PRKAA2: variants seen among roughly 807,000 people sequenced by gnomAD.
PRKAA2 encodes protein kinase AMP-activated catalytic subunit alpha 2.
A neutral mutation model predicts 56.3 loss-of-function variants in PRKAA2; 40 were observed. The observed-to-expected ratio is 0.71, with a 90% CI of 0.55 to 0.92. PRKAA2 has a LOEUF of 0.92. PRKAA2 is among the 40% of genes least tolerant of loss of function. PRKAA2 has a pLI of 0.00. For synonymous variants in PRKAA2, 214 were observed against 234.2 expected (o/e 0.91, Z 0.79); for missense variants, 542 against 686.9 (o/e 0.79, Z 2.36).
intron 2 of PRKAA2, among the ~76,000 whole-genome samples, chr1:56,676,149 G>GC (rs1644111513): frequency 6.6e-6 from 1 of 152,104 alleles, no homozygotes; most frequent in African/African-American, 2.4e-5. Context: ...AGTAATACCT[G>GC]CCCCCCATGT....
intron 2 of PRKAA2, among the ~76,000 whole-genome samples, chr1:56,688,960 T>C (rs1644209507): frequency 1.3e-5 from 2 of 152,324 alleles, no homozygotes; most frequent in South Asian, 2.1e-4. Flanking sequence ...AGTAACGTTA[T>C]GATTTTCATT....
intron 6 of PRKAA2, among the ~76,000 whole-genome samples, chr1:56,696,724 A>C (rs909855760): frequency 6.6e-6 from 1 of 152,188 alleles, no homozygotes; most frequent in African/African-American, 2.4e-5. Context: ...AGTTTTGCTA[A>C]GTTTTTGAAT....
chr1:56,691,427 T>A lies in PRKAA2; in HGVS notation c.270T>A (p.Phe90Leu). 1 of 1,612,980 alleles carries A rather than the reference T, an allele frequency of 6.2e-7. No individual in the cohort carries two copies. Among genetic ancestry groups the A allele is most frequent in the Non-Finnish European group, 8.5e-7 (1 of 1,179,250 alleles). The change falls in exon 3 of 9, where the codon TTT becomes TTA. Residue 90 changes from phenylalanine (F) to leucine (L), a missense_variant. Phe to Leu is a conservative substitution (Grantham distance 22). Coordinates refer to ENST00000371244, the MANE Select transcript of PRKAA2 (RefSeq NM_006252.4). ...TGATCAGCACTCCAACAGATTTTTT[T>A]ATGGTAATGGAATATGTGTCTGGAG... ...YQVISTPTDFFMVMEYVSGGE... is the reference protein window; with the variant it reads ...YQVISTPTDFLMVMEYVSGGE...
chr1:56,664,598 G>A (rs758964165), intron 1 of PRKAA2, among the ~76,000 whole-genome samples: 23 of 151,902 alleles, frequency 1.5e-4, no homozygotes, highest in African/African-American at 5.6e-4. Context: ...GTAGCAATAG[G>A]ACTGTTCAGG....
At chr1:56,658,939 C>T (rs1362657766) in intron 1 of PRKAA2, among the ~76,000 whole-genome samples, 3 of 151,302 alleles carry the variant, frequency 2.0e-5, no homozygotes, top group East Asian at 2.0e-4. Flanking sequence ...GGACTACAGG[C>T]GAGTGCCACC....
In PRKAA2 at chr1:56,714,903, C is replaced by T. The variant is rs1183509766; in HGVS notation, c.*7190C>T. On this transcript the variant is annotated 3_prime_UTR_variant, in exon 9 of 9. Transcript: ENST00000371244. ...CTGCATTCATTCATTCTTAGCATAC[C>T]TTTGAAAAAGAAAAAAAAATCCATA... 1 of 151,074 alleles carries T rather than the reference C, an allele frequency of 6.6e-6. No homozygotes were observed. Among genetic ancestry groups the T allele is most frequent in the African/African-American group, 2.4e-5 (1 of 41,072 alleles). 9.4% of individuals were successfully genotyped at this position (151,074 alleles called of 1,614,324 possible).
In PRKAA2 at chr1:56,692,371, A is replaced by G; in HGVS notation, c.344A>G (p.Glu115Gly). 1 of 1,614,008 alleles carries G rather than the reference A, an allele frequency of 6.2e-7. No homozygotes were observed. Among genetic ancestry groups the G allele is most frequent in the Non-Finnish European group, 8.5e-7 (1 of 1,179,982 alleles). ...ICKHGRVEEM[E>G]ARRLFQQILS... ...TGTGCTTGATAGGTTGAAGAGATGG[A>G]AGCCAGGCGGCTCTTTCAGCAGATT... Residue 115 changes from glutamate to glycine, a missense_variant, in exon 4 of 9, where the codon GAA becomes GGA. Around this residue, in one of 5 missense-constraint regions of PRKAA2, gnomAD observed 121 missense variants for 210.0 expected, o/e 0.58. Transcript: ENST00000371244.
At chr1:56,702,084 T>A (rs757096295) in intron 6 of PRKAA2, among the ~76,000 whole-genome samples, 2 of 151,802 alleles carry the variant, frequency 1.3e-5, no homozygotes, top group African/African-American at 4.8e-5. Flanking sequence ...TTTTTATCTT[T>A]TCTTTTTTTT....
In PRKAA2 at chr1:56,645,401, A is replaced by G. The variant is rs1177666094; in HGVS notation, c.14A>G (p.Gln5Arg). The change falls in exon 1 of 9, where the codon CAG (glutamine) becomes CGG (arginine). Residue 5 changes from glutamine to arginine, a missense_variant. Gln to Arg is a conservative substitution (Grantham distance 43). Coordinates refer to ENST00000371244, the MANE Select transcript of PRKAA2 (RefSeq NM_006252.4). MAEK[Q>R]KHDGRVKIGH... ...CGCGCGCCGAAGATGGCTGAGAAGC[A>G]GAAGCACGACGGGCGGGTGAAGATC... is the stretch of plus-strand genomic sequence containing the variant. The G allele has an allele frequency of 2.0e-6, 3 of 1,503,216 alleles. No homozygotes were observed. Among genetic ancestry groups the G allele is most frequent in the Non-Finnish European group, 2.7e-6 (3 of 1,120,062 alleles). The allele number at this position is 1,503,216 out of a possible 1,614,324, so 93.1% of individuals were successfully genotyped here. A position where few individuals can be genotyped will look rare whatever the true frequency, so the allele number is the denominator to read the frequency against.
chr1:56,646,110 C>T (rs958398150), intron 1 of PRKAA2, among the ~76,000 whole-genome samples: 1 of 152,092 alleles, frequency 6.6e-6, no homozygotes, highest in Non-Finnish European at 1.5e-5. Flanking sequence ...TGGGAGGTCC[C>T]TGCCATCCCC....
chr1:56,703,777 G>A (rs1487546221), intron 6 of PRKAA2, among the ~76,000 whole-genome samples, 194 bp from the exon 7 acceptor site: 1 of 152,208 alleles, frequency 6.6e-6, no homozygotes, highest in Non-Finnish European at 1.5e-5. Context: ...TTGTCCAAAT[G>A]CCAAGTCTTA....
At chr1:56,689,346 T>A (rs1056692872) in intron 2 of PRKAA2, among the ~76,000 whole-genome samples, 11 of 152,232 alleles carry the variant, frequency 7.2e-5, no homozygotes, top group South Asian at 2.1e-4. Flanking sequence ...CAATTCTTCT[T>A]CAGTCATATT....
chr1:56,664,249 G>A (rs1359346375), intron 1 of PRKAA2, among the ~76,000 whole-genome samples: 1 of 152,052 alleles, frequency 6.6e-6, no homozygotes, highest in Non-Finnish European at 1.5e-5. Context: ...TAAATTTGAT[G>A]TTTGTTTTTG....
Position 56,693,732 on chromosome 1 carries a change from C to A in PRKAA2, c.476-33C>A. The A allele has an allele frequency of 2.8e-6, 4 of 1,436,842 alleles. No individual in the cohort carries two copies. The South Asian group carries it at 5.1e-5, about 18-fold the overall frequency. 89.0% of individuals were successfully genotyped at this position (1,436,842 alleles called of 1,614,324 possible). ...TGACTTTATCTACTTTTAAAAATAT[C>A]TAGCACCAAGTAAACATTACTTTTA... is the stretch of plus-strand genomic sequence containing the variant. On this transcript the variant is annotated intron_variant, in intron 4 of 8. Coordinates refer to ENST00000371244, the MANE Select transcript of PRKAA2 (RefSeq NM_006252.4).
intron 1 of PRKAA2, among the ~76,000 whole-genome samples, chr1:56,665,985 T>C (rs960977216): frequency 5.3e-5 from 8 of 152,172 alleles, no homozygotes; most frequent in Non-Finnish European, 1.2e-4. Flanking sequence ...CAGTACTACA[T>C]AGGATTCTTT....
intron 6 of PRKAA2, among the ~76,000 whole-genome samples, chr1:56,701,587 AG>A (rs1438200228): frequency 1.4e-4 from 21 of 152,284 alleles, no homozygotes; most frequent in African/African-American, 4.8e-4. Flanking sequence ...GAGCTAAATA[AG>A]GTATGGTCAC....
chr1:56,672,141 A>G (rs1054400147), intron 1 of PRKAA2, among the ~76,000 whole-genome samples: 15 of 152,106 alleles, frequency 9.9e-5, no homozygotes, highest in African/African-American at 3.4e-4. Context: ...TTTTAGAGAC[A>G]GGGTCTCACT....
intron 1 of PRKAA2, among the ~76,000 whole-genome samples, chr1:56,651,926 C>G (rs902402417): frequency 3.8e-4 from 58 of 151,682 alleles, no homozygotes; most frequent in African/African-American, 1.4e-3. Flanking sequence ...ACTGCAAGCT[C>G]CGCCTCCTGG....
intron 1 of PRKAA2, among the ~76,000 whole-genome samples, chr1:56,668,956 C>A (rs541754233): frequency 6.6e-6 from 1 of 152,066 alleles, no homozygotes; most frequent in African/African-American, 2.4e-5. Flanking sequence ...AAGTGGCAAC[C>A]GAAATCGTCA....
Sources: gnomAD v4.1 joint callset for allele counts (sites outside exome capture counted in the v4.1 genomes callset) on GRCh38, gnomAD v4.1.1 for gene constraint, gnomAD v4.1.1 regional missense constraint, MANE v1.5 for transcripts, NCBI Gene and HGNC (gene_info 2026-07-23, HGNC 2026-07-21) for gene names.